The following DNAJC5B variants were observed in gnomAD, a reference collection of about 807,000 sequenced individuals.
DNAJC5B encodes the protein dnaJ homolog subfamily C member 5B.
A neutral mutation model predicts 24.7 loss-of-function variants in DNAJC5B; 23 were observed. That is an observed-to-expected ratio of 0.93 (90% CI 0.67 to 1.32). The LOEUF is 1.32. DNAJC5B is among the 40% of genes most tolerant of loss of function. The pLI is 0.00. For missense variants in DNAJC5B, 238 were observed against 240.8 expected, an observed-to-expected ratio of 0.99 and a Z score of 0.08; for synonymous variants, 101 against 90.1, an observed-to-expected ratio of 1.12 and a Z score of -0.68.
At chr8:66,086,374 C>A (rs1047469966) in intron 5 of DNAJC5B, among the ~76,000 whole-genome samples, 11 of 152,170 alleles carry the variant, frequency 7.2e-5, no homozygotes, top group Admixed American at 7.2e-4. Flanking sequence ...GAATAAGGTA[C>A]CTCACATTTT....
chr8:66,051,783 C>A (rs1806851077), intron 3 of DNAJC5B, 117 bp downstream of exon 3: 2 of 739,304 alleles, frequency 2.7e-6, no homozygotes, highest in African/African-American at 1.8e-5. Flanking sequence ...ATTTTAGATC[C>A]AATGTTCCCT....
At chr8:66,080,766 G>T (rs1807578820) in intron 5 of DNAJC5B, among the ~76,000 whole-genome samples, 1 of 152,130 alleles carries the variant, frequency 6.6e-6, no homozygotes. Context: ...CCGTTAGAAA[G>T]AAAATCATGA....
At chr8:66,078,872 A>C (rs938637988) in intron 4 of DNAJC5B, among the ~76,000 whole-genome samples, 5 of 152,188 alleles carry the variant, frequency 3.3e-5, no homozygotes, top group African/African-American at 1.2e-4. Context: ...GGAGTGGGGC[A>C]GGTGAGGGCT....
chr8:66,050,408 C>A (rs1806820034), intron 2 of DNAJC5B, among the ~76,000 whole-genome samples: 1 of 152,190 alleles, frequency 6.6e-6, no homozygotes, highest in Non-Finnish European at 1.5e-5. Flanking sequence ...GACCCAAGAA[C>A]AACCGGAGCC....
chr8:66,054,857 C>T (rs1432749553), intron 3 of DNAJC5B, among the ~76,000 whole-genome samples: 2 of 152,074 alleles, frequency 1.3e-5, no homozygotes, highest in Admixed American at 6.5e-5. Flanking sequence ...TGACTGAAGG[C>T]TTCAGGCTGG....
At chr8:66,019,838 A>T (rs756077226), upstream of DNAJC5B, among the ~76,000 whole-genome samples, 1 of 152,224 alleles carries the variant, frequency 6.6e-6, no homozygotes, top group African/African-American at 2.4e-5. Flanking sequence ...TTGTAGCTAA[A>T]TATTTTTCAT....
chr8:66,018,715 G>T (rs1230798071), upstream of DNAJC5B, among the ~76,000 whole-genome samples: 1 of 144,760 alleles, frequency 6.9e-6, no homozygotes. Context: ...GGCAGTAAAT[G>T]CAGGAAGCTG....
At chr8:66,045,421 C>T (rs1021772847) in intron 2 of DNAJC5B, among the ~76,000 whole-genome samples, 16 of 152,152 alleles carry the variant, frequency 1.1e-4, no homozygotes, top group Non-Finnish European at 1.8e-4. Context: ...ACTGGAATTT[C>T]ATTTAGTGGG....
chr8:66,090,271 G>A (rs1807819497), intron 5 of DNAJC5B, among the ~76,000 whole-genome samples: 1 of 151,670 alleles, frequency 6.6e-6, no homozygotes, highest in Non-Finnish European at 1.5e-5. Context: ...GTGTGTGTGT[G>A]TGTGTGTGTG....
Position 66,094,815 on chromosome 8 carries a change from C to T in DNAJC5B, c.506-5122C>T, listed in dbSNP as rs537886977. Among the ~76,000 whole-genome samples, 40 of 152,178 alleles carry T rather than the reference C, an allele frequency of 2.6e-4. 1 individual carries two copies. In the South Asian group the frequency reaches 8.3e-3, roughly 32 times the overall value. On this transcript the variant is annotated intron_variant, in intron 5 of 5. Transcript: ENST00000276570. ...ATTTTGTTAGACCTTCATATTTGAT[C>T]ACGGATGTAAAATTTTTTCAAATAT...
At chr8:66,086,837 T>C (rs1272363224) in intron 5 of DNAJC5B, among the ~76,000 whole-genome samples, 2 of 152,208 alleles carry the variant, frequency 1.3e-5, no homozygotes, top group African/African-American at 4.8e-5. Context: ...GGTTAGCAGT[T>C]CTTTCTTCTA....
intron 3 of DNAJC5B, among the ~76,000 whole-genome samples, chr8:66,073,624 G>A (rs1043939456): frequency 1.3e-5 from 2 of 152,124 alleles, no homozygotes; most frequent in African/African-American, 4.8e-5. Context: ...TGCTCTTTAA[G>A]ATATGAAGAC....
At chr8:66,055,537 G>A (rs112629204) in intron 3 of DNAJC5B, among the ~76,000 whole-genome samples, 81 of 152,262 alleles carry the variant, frequency 5.3e-4, no homozygotes, top group African/African-American at 1.8e-3. Context: ...AGGAAAACAG[G>A]TATATAAAAA....
In DNAJC5B at chr8:66,101,056, T is replaced by C. The variant is rs6472248; in HGVS notation, c.*1025T>C. 0.36 allele frequency among the ~76,000 whole-genome samples: 54,652 copies of C among 152,122 alleles called. 13,769 individuals are homozygous for C. Among genetic ancestry groups the C allele is most frequent in the African/African-American group, 0.71 (29,508 of 41,482 alleles). On this transcript the variant is annotated 3_prime_UTR_variant, in exon 6 of 6. Transcript: ENST00000276570. Reference sequence around the variant, plus strand: ...TCGTTTTTCTAGCTCTTTCTTACTTTTTTATATAATATTGCATTTTCAAGA... The same window carrying C: ...TCGTTTTTCTAGCTCTTTCTTACTTCTTTATATAATATTGCATTTTCAAGA...
intron 1 of DNAJC5B, among the ~76,000 whole-genome samples, chr8:66,037,406 T>A (rs1256310444): frequency 1.3e-5 from 2 of 152,114 alleles, no homozygotes; most frequent in African/African-American, 4.8e-5. Flanking sequence ...TGGGCTGACC[T>A]CCAGAGAGAC....
chr8:66,055,814 T>A (rs1806950280), intron 3 of DNAJC5B, among the ~76,000 whole-genome samples: 2 of 152,124 alleles, frequency 1.3e-5, no homozygotes, highest in African/African-American at 4.8e-5. Context: ...TGGTGACGCA[T>A]GCCTGTAATC....
intron 1 of DNAJC5B, among the ~76,000 whole-genome samples, chr8:66,027,621 A>G (rs1038234199): frequency 2.0e-5 from 3 of 152,234 alleles, no homozygotes; most frequent in African/African-American, 7.2e-5. Context: ...TGAGAAGACA[A>G]CTTACTTGGC....
Position 66,080,561 on chromosome 8 carries a change from G to A in DNAJC5B, c.505+13G>A, listed in dbSNP as rs752468232. On this transcript the variant is annotated intron_variant, in intron 5 of 5. Coordinates refer to ENST00000276570, the MANE Select transcript of DNAJC5B (RefSeq NM_033105.6). Reference sequence around the variant, plus strand: ...GACATGGAAAAAGGTGGGGTAGGATGAGAGCAGAGGTAGTGAGTGTCCATT... The same window carrying A: ...GACATGGAAAAAGGTGGGGTAGGATAAGAGCAGAGGTAGTGAGTGTCCATT... The A allele has an allele frequency of 6.9e-6, 11 of 1,586,878 alleles. No individual in the cohort carries two copies. The highest frequency in any genetic ancestry group is 1.8e-5 in the Admixed American group (1 of 56,580).
At chr8:66,087,005 A>G (rs548983745) in intron 5 of DNAJC5B, among the ~76,000 whole-genome samples, 8 of 152,208 alleles carry the variant, frequency 5.3e-5, no homozygotes, top group Non-Finnish European at 1.0e-4. Context: ...ACAGGGATTA[A>G]CTAGGGAAAT....
Sources: allele counts gnomAD v4.1 joint callset (sites outside exome capture counted in the v4.1 genomes callset), GRCh38; gene constraint gnomAD v4.1.1; transcripts MANE v1.5; gene names NCBI Gene and HGNC (gene_info 2026-07-23, HGNC 2026-07-21).